Variants in CYP4F22 observed in about 807,000 individuals in gnomAD.
CYP4F22 encodes the protein ultra-long-chain fatty acid omega-hydroxylase.
Under a neutral mutation model 60.4 loss-of-function variants are expected in CYP4F22, and 37 were observed. That is an observed-to-expected ratio of 0.61 (90% CI 0.47 to 0.81). The LOEUF is 0.81. Among genes scored for constraint, CYP4F22 ranks in the 30% least tolerant of loss-of-function variants. The pLI, the probability that CYP4F22 is intolerant of heterozygous loss-of-function variation, is 0.00. For missense variants in CYP4F22, 655 were observed against 715.0 expected, an observed-to-expected ratio of 0.92 and a Z score of 0.96; for synonymous variants, 258 against 280.5, an observed-to-expected ratio of 0.92 and a Z score of 0.80.
Position 15,551,558 on chromosome 19 carries a change from C to T in CYP4F22, c.*87C>T. On this transcript the variant is annotated 3_prime_UTR_variant, in exon 14 of 14. Coordinates refer to ENST00000269703, the MANE Select transcript of CYP4F22 (RefSeq NM_173483.4). Reference sequence around the variant, plus strand: ...GCCCCAAAGATCCCGAGGGCATAGGCCACCCCCCTCGAAGTTCAGGTTCAG... The same window carrying T: ...GCCCCAAAGATCCCGAGGGCATAGGTCACCCCCCTCGAAGTTCAGGTTCAG... The T allele has an allele frequency of 6.9e-7, 1 of 1,456,200 alleles. No homozygotes were observed. Among genetic ancestry groups the T allele is most frequent in the South Asian group, 1.3e-5 (1 of 79,320 alleles). 90.2% of individuals were successfully genotyped at this position (1,456,200 alleles called of 1,614,324 possible).
At chr19:15,541,681 G>C (rs1378803887) in intron 8 of CYP4F22, among the ~76,000 whole-genome samples, 2 of 151,960 alleles carry the variant, frequency 1.3e-5, no homozygotes, top group Non-Finnish European at 2.9e-5. Flanking sequence ...AGGAATTCGA[G>C]ACCAGCCTGA....
intron 1 of CYP4F22, among the ~76,000 whole-genome samples, chr19:15,512,885 G>T (rs1971107791): frequency 6.6e-6 from 1 of 151,956 alleles, no homozygotes; most frequent in Admixed American, 6.6e-5. Flanking sequence ...AAACCAAAAC[G>T]ACTGGAAAAG....
rs146265982 is a variant in CYP4F22, at chr19:15,540,638, G to C, written c.860G>C (p.Arg287Pro). The C allele has an allele frequency of 2.5e-6, 4 of 1,614,118 alleles. No homozygotes were observed. The African/African-American group carries it at 4.0e-5, about 16-fold the overall frequency. The part of the protein sequence containing the change: ...EVIQERRRAL[R>P]QQGAEAWLKA... ...ATCCAGGAACGGCGGCGGGCACTGC[G>C]TCAGCAGGGGGCCGAGGCCTGGCTT... is the stretch of plus-strand genomic sequence containing the variant. Residue 287 changes from arginine (R) to proline (P), a missense_variant, in exon 8 of 14, where the codon CGT (arginine) becomes CCT (proline). This residue lies in a region of CYP4F22 where 430 missense variants were observed against 457.1 expected (regional missense o/e 0.94). Coordinates refer to ENST00000269703, the MANE Select transcript of CYP4F22 (RefSeq NM_173483.4).
At chr19:15,546,612 A>C (rs901831000) in intron 10 of CYP4F22, among the ~76,000 whole-genome samples, 1 of 151,774 alleles carries the variant, frequency 6.6e-6, no homozygotes, top group African/African-American at 2.4e-5. Flanking sequence ...TAATTTAAAG[A>C]AACTAATCTA....
intron 1 of CYP4F22, among the ~76,000 whole-genome samples, chr19:15,520,466 A>G (rs1017620709): frequency 5.5e-5 from 8 of 146,482 alleles, no homozygotes; most frequent in Admixed American, 3.5e-4. Flanking sequence ...ACTAAGTTTT[A>G]CTTGCATTCC....
chr19:15,509,906 T>TTCCTTCCTTTCCTTCC (rs1568350838), intron 1 of CYP4F22, among the ~76,000 whole-genome samples: 56 of 97,340 alleles, frequency 5.8e-4, no homozygotes, highest in Non-Finnish European at 8.5e-4. Flanking sequence ...CCTTCCTTCC[T>TTCCTTCCTTTCCTTCC]TTCTTTCTTT....
intron 3 of CYP4F22, among the ~76,000 whole-genome samples, chr19:15,527,081 T>C (rs573307145): frequency 6.6e-6 from 1 of 152,106 alleles, no homozygotes; most frequent in Non-Finnish European, 1.5e-5. Flanking sequence ...CCTTTTGGAC[T>C]TTTCTCCTTC....
At chr19:15,515,201 G>A (rs1971139128) in intron 1 of CYP4F22, 1 of 567,314 alleles carries the variant, frequency 1.8e-6, no homozygotes, top group East Asian at 4.5e-5. Context: ...CCCCTGTTGT[G>A]TTCCCTGCTG....
intron 7 of CYP4F22, 72 bp from the exon 8 acceptor site, chr19:15,540,378 A>G: frequency 1.3e-6 from 2 of 1,598,510 alleles, no homozygotes; most frequent in South Asian, 1.1e-5. Context: ...CAGGAGGCTT[A>G]TCTTAGCCAA....
At chr19:15,531,241 G>A (rs1406768593) in intron 4 of CYP4F22, among the ~76,000 whole-genome samples, 1 of 152,102 alleles carries the variant, frequency 6.6e-6, no homozygotes, top group African/African-American at 2.4e-5. Flanking sequence ...TTAGCTGGGT[G>A]TTGTGGTGCA....
rs530178342 is a variant in CYP4F22 at position 15,545,176 on chromosome 19, C to T, written c.1136+897C>T. 3.3e-5 allele frequency among the ~76,000 whole-genome samples: 5 copies of T among 152,120 alleles called. No homozygotes were observed. In the East Asian group the frequency reaches 9.6e-4, roughly 29 times the overall value. ...CTAAAACAAGTCACGTGACCAAGCC[C>T]AGCATGAATGGGGCAGGACATATAC... On this transcript the variant is annotated intron_variant, in intron 10 of 13. Transcript: ENST00000269703.
chr19:15,515,599 G>T (rs1281902024), intron 1 of CYP4F22, among the ~76,000 whole-genome samples: 1 of 152,062 alleles, frequency 6.6e-6, no homozygotes, highest in Non-Finnish European at 1.5e-5. Flanking sequence ...GGTGGCGCAT[G>T]CCGGTAATCT....
At chr19:15,540,844 G>T (rs1971453954) in intron 8 of CYP4F22, 127 bp downstream of exon 8, 11 of 1,222,494 alleles carry the variant, frequency 9.0e-6, no homozygotes, top group Non-Finnish European at 1.3e-5. Context: ...CAGCGCTTTG[G>T]GAGGCCAAGG....
chr19:15,538,992 A>G (rs2144530622), intron 7 of CYP4F22, among the ~76,000 whole-genome samples: 1 of 152,352 alleles, frequency 6.6e-6, no homozygotes, highest in East Asian at 1.9e-4. Flanking sequence ...AGCTCCCTTC[A>G]AGCCTGCTTC....
In CYP4F22 at chr19:15,537,945, T is replaced by G. The variant is rs1971418063; in HGVS notation, c.623T>G (p.Leu208Arg). Residue 208 changes from leucine to arginine, a missense_variant, in exon 7 of 14, where the codon CTG becomes CGG. This residue lies in a region of CYP4F22 where 430 missense variants were observed against 457.1 expected (regional missense o/e 0.94). Coordinates refer to ENST00000269703, the MANE Select transcript of CYP4F22 (RefSeq NM_173483.4). ...DMFEHISLMT[L>R]DSLQKCVFSY... is the part of the protein sequence containing the mutation. Reference sequence around the variant, plus strand: ...TTTGAGCATATCAGCCTCATGACCCTGGACAGTCTTCAGAAATGTGTCTTC... The same window carrying G: ...TTTGAGCATATCAGCCTCATGACCCGGGACAGTCTTCAGAAATGTGTCTTC... The G allele has an allele frequency of 2.5e-6, 4 of 1,614,086 alleles. No individual in the cohort carries two copies. Among genetic ancestry groups the G allele is most frequent in the Non-Finnish European group, 3.4e-6 (4 of 1,180,032 alleles).
intron 3 of CYP4F22, among the ~76,000 whole-genome samples, chr19:15,526,323 T>C (rs1971282412): frequency 6.6e-6 from 1 of 152,218 alleles, no homozygotes; most frequent in Non-Finnish European, 1.5e-5. Context: ...CCTTGAATGC[T>C]GTGGTCCTAG....
intron 4 of CYP4F22, 75 bp from the exon 5 acceptor site, chr19:15,537,286 G>T (rs1325169050): frequency 3.2e-6 from 5 of 1,586,180 alleles, no homozygotes; most frequent in Non-Finnish European, 4.3e-6. Flanking sequence ...GGATGACAGA[G>T]CAAGACTCCG....
chr19:15,545,369 T>C (rs1238516782), intron 10 of CYP4F22, among the ~76,000 whole-genome samples: 1 of 151,632 alleles, frequency 6.6e-6, no homozygotes, highest in Non-Finnish European at 1.5e-5. Context: ...AGCATTAGGC[T>C]GGGCGTGGTG....
Position 15,537,854 on chromosome 19 carries a change from C to A in CYP4F22, c.550-18C>A, listed in dbSNP as rs370285007. The A allele has an allele frequency of 1.9e-4, 312 of 1,613,094 alleles. No individual in the cohort carries two copies. The highest frequency in any genetic ancestry group is 2.4e-4 in the Non-Finnish European group (289 of 1,180,002). The stretch of plus-strand genomic sequence containing the variant: ...CTCTGTGGTTTCCATGCACAGTCAC[C>A]ATGTATCTCTCTTCCAGGCTAAATG... On this transcript the variant is annotated intron_variant, in intron 6 of 13. Coordinates refer to ENST00000269703, the MANE Select transcript of CYP4F22 (RefSeq NM_173483.4).
Sources: gnomAD v4.1 joint callset for allele counts (sites outside exome capture counted in the v4.1 genomes callset) on GRCh38, gnomAD v4.1.1 for gene constraint, gnomAD v4.1.1 regional missense constraint, MANE v1.5 for transcripts, NCBI Gene and HGNC (gene_info 2026-07-23, HGNC 2026-07-21) for gene names.